Variants in LRRC8D observed in about 807,000 individuals in gnomAD.
LRRC8D encodes volume-regulated anion channel subunit LRRC8D.
In LRRC8D, 20 loss-of-function variants were observed where a neutral mutation model predicts 55.8. That is an observed-to-expected ratio of 0.36 (90% CI 0.25 to 0.52). The LOEUF is 0.52. LRRC8D is among the 20% of genes least tolerant of loss of function. The pLI is 0.93. For missense variants in LRRC8D, 651 were observed against 1,030.8 expected (o/e 0.63, Z 5.05); for synonymous variants, 352 against 377.0 (o/e 0.93, Z 0.77).
chr1:89,876,635 A>G (rs573122466), intron 2 of LRRC8D, among the ~76,000 whole-genome samples: 2 of 152,332 alleles, frequency 1.3e-5, no homozygotes, highest in South Asian at 4.1e-4. Context: ...CTCCAGAGTC[A>G]TTTAGAATAA....
intron 1 of LRRC8D, among the ~76,000 whole-genome samples, chr1:89,833,185 G>C (rs978861964): frequency 6.6e-6 from 1 of 152,212 alleles, no homozygotes; most frequent in African/African-American, 2.4e-5. Context: ...GTCAGCATCA[G>C]AGTTTGGTTG....
Position 89,826,989 on chromosome 1 carries a change from A to G in LRRC8D, c.-148+5698A>G, listed in dbSNP as rs377383767. Among the ~76,000 whole-genome samples the G allele has an allele frequency of 6.0e-4, 91 of 152,318 alleles. 2 individuals carry two copies. The highest frequency in any genetic ancestry group is 2.1e-3 in the African/African-American group (89 of 41,560). ...AAACTCAGGGAAGGGCTCTGAAAAT[A>G]CCTTCATGTTGTTGTCCTGACTTGC... On this transcript the variant is annotated intron_variant, in intron 1 of 2. Transcript: ENST00000337338.
chr1:89,908,478 T>C (rs1186487562), intron 2 of LRRC8D, among the ~76,000 whole-genome samples: 1 of 152,084 alleles, frequency 6.6e-6, no homozygotes, highest in Non-Finnish European at 1.5e-5. Flanking sequence ...CTCAGGGGTG[T>C]TGTTATCATC....
At chr1:89,864,043 A>G (rs978411909) in intron 2 of LRRC8D, among the ~76,000 whole-genome samples, 3 of 152,320 alleles carry the variant, frequency 2.0e-5, no homozygotes, top group Admixed American at 2.0e-4. Flanking sequence ...AATGCCTGCT[A>G]TGTTGAGCTC....
At chr1:89,827,455 A>G (rs1414618046) in intron 1 of LRRC8D, among the ~76,000 whole-genome samples, 1 of 152,094 alleles carries the variant, frequency 6.6e-6, no homozygotes, top group African/African-American at 2.4e-5. Flanking sequence ...TCAGAAAGAC[A>G]CTAGAGCTGG....
chr1:89,827,055 C>T (rs1386684368), intron 1 of LRRC8D, among the ~76,000 whole-genome samples: 1 of 152,078 alleles, frequency 6.6e-6, no homozygotes, highest in Non-Finnish European at 1.5e-5. Flanking sequence ...TAGGCTTCAT[C>T]AAAAAGATTT....
At chr1:89,931,760 A>T (rs1663711215) in intron 2 of LRRC8D, among the ~76,000 whole-genome samples, 1 of 152,026 alleles carries the variant, frequency 6.6e-6, no homozygotes, top group Admixed American at 6.6e-5. Context: ...CTCTGTCTCA[A>T]AAATAAATAA....
At chr1:89,917,002 TG>T (rs1663288981) in intron 2 of LRRC8D, among the ~76,000 whole-genome samples, 1 of 152,196 alleles carries the variant, frequency 6.6e-6, no homozygotes, top group Admixed American at 6.5e-5. Flanking sequence ...GTGTTCCTAT[TG>T]TACAGGTAAA....
chr1:89,930,487 G>A (rs149273046), intron 2 of LRRC8D, among the ~76,000 whole-genome samples: 5 of 151,904 alleles, frequency 3.3e-5, no homozygotes, highest in East Asian at 1.9e-4. Flanking sequence ...CCACCATCTC[G>A]TATCTTATGG....
intron 2 of LRRC8D, among the ~76,000 whole-genome samples, chr1:89,848,026 A>G (rs1661322315): frequency 6.6e-6 from 1 of 152,158 alleles, no homozygotes; most frequent in East Asian, 1.9e-4. Context: ...AAAATGCATA[A>G]TATGTTAGCC....
chr1:89,896,765 TTCTCTC>T lies in LRRC8D; in HGVS notation c.-2-36296_-2-36291del, dbSNP rs141152883. On this transcript the variant is annotated intron_variant, in intron 2 of 2. Transcript: ENST00000337338. Reference sequence around the variant, plus strand: ...TTTCTCCCTTTCTGTCTTTCTCCCTTTCTCTCTCTCTGTCTCCTCTCTTTTCTTGTG... The same window carrying T: ...TTTCTCCCTTTCTGTCTTTCTCCCTTTCTCTGTCTCCTCTCTTTTCTTGTG... 7.4e-3 allele frequency among the ~76,000 whole-genome samples: 1,131 copies of T among 152,294 alleles called. 7 individuals carry two copies. Among genetic ancestry groups the T allele is most frequent in the African/African-American group, 0.026 (1,090 of 41,558 alleles).
At chr1:89,857,898 A>G (rs1282252138) in intron 2 of LRRC8D, among the ~76,000 whole-genome samples, 4 of 152,258 alleles carry the variant, frequency 2.6e-5, no homozygotes, top group Non-Finnish European at 4.4e-5. Context: ...CTTTCAAAAA[A>G]TAATGAGTAG....
chr1:89,872,439 G>A (rs566136468), intron 2 of LRRC8D, among the ~76,000 whole-genome samples: 1 of 152,290 alleles, frequency 6.6e-6, no homozygotes, highest in East Asian at 1.9e-4. Context: ...ATCTTTCAAT[G>A]GCAGTGACCA....
intron 2 of LRRC8D, among the ~76,000 whole-genome samples, chr1:89,930,555 C>T (rs1169400983): frequency 6.6e-6 from 1 of 152,030 alleles, no homozygotes; most frequent in African/African-American, 2.4e-5. Flanking sequence ...CAGTTCATGA[C>T]TCTTTTTAAA....
chr1:89,932,153 A>G (rs746054389), intron 2 of LRRC8D, among the ~76,000 whole-genome samples: 1 of 152,228 alleles, frequency 6.6e-6, no homozygotes, highest in Non-Finnish European at 1.5e-5. Flanking sequence ...ATAGTGAATA[A>G]TAACCACATT....
chr1:89,930,067 C>T (rs1463707265), intron 2 of LRRC8D, among the ~76,000 whole-genome samples: 2 of 152,136 alleles, frequency 1.3e-5, no homozygotes, highest in Admixed American at 6.5e-5. Context: ...ATCCCAAAAC[C>T]ATCTCTCCCC....
intron 2 of LRRC8D, among the ~76,000 whole-genome samples, chr1:89,857,382 CAA>C (rs759975883): frequency 0.022 from 1,359 of 62,972 alleles, 7 homozygotes; most frequent in African/African-American, 0.069. Context: ...AACTCCATCT[CAA>C]AAAAAAAAAA....
Position 89,931,205 on chromosome 1 carries a change from A to T in LRRC8D, c.-2-1862A>T, listed in dbSNP as rs148046222. Reference sequence around the variant, plus strand: ...GCTGTAGTATTCATTGTATTTTATTAAAAAATATTATGAACCTACTCTGTG... The same window carrying T: ...GCTGTAGTATTCATTGTATTTTATTTAAAAATATTATGAACCTACTCTGTG... On this transcript the variant is annotated intron_variant, in intron 2 of 2. Transcript: ENST00000337338. 2.5e-3 allele frequency among the ~76,000 whole-genome samples: 381 copies of T among 150,562 alleles called. 3 individuals are homozygous for T. Among genetic ancestry groups the T allele is most frequent in the African/African-American group, 8.2e-3 (336 of 40,984 alleles).
At chr1:89,922,582 T>TC (rs1213498200) in intron 2 of LRRC8D, among the ~76,000 whole-genome samples, 2 of 152,218 alleles carry the variant, frequency 1.3e-5, no homozygotes, top group Non-Finnish European at 2.9e-5. Flanking sequence ...GCAAACATCT[T>TC]TGGGGGCTTA....
Sources: gnomAD v4.1 joint callset for allele counts (sites outside exome capture counted in the v4.1 genomes callset) on GRCh38, gnomAD v4.1.1 for gene constraint, MANE v1.5 for transcripts, NCBI Gene and HGNC (gene_info 2026-07-23, HGNC 2026-07-21) for gene names.